The following CCNY variants were observed in gnomAD, a reference collection of about 807,000 sequenced individuals.
The protein encoded by CCNY is cyclin Y, also known as cyclin-Y.
In CCNY, 19 loss-of-function variants were observed where a neutral mutation model predicts 42.8. That is an observed-to-expected ratio of 0.44 (90% CI 0.31 to 0.65). The LOEUF is 0.65. Among genes scored for constraint, CCNY ranks in the 30% least tolerant of loss-of-function variants. The pLI is 0.07. For synonymous variants in CCNY, 165 were observed against 162.7 expected, an observed-to-expected ratio of 1.01 and a Z score of -0.11; for missense variants, 370 against 437.3, an observed-to-expected ratio of 0.85 and a Z score of 1.37.
intron 3 of CCNY, among the ~76,000 whole-genome samples, chr10:35,297,302 C>T (rs897635198): frequency 1.5e-4 from 23 of 152,078 alleles, no homozygotes; most frequent in African/African-American, 4.8e-4. Flanking sequence ...TAAAATTCAA[C>T]ATCGCTTCAT....
intron 3 of CCNY, among the ~76,000 whole-genome samples, chr10:35,329,100 A>C (rs1835911623): frequency 6.6e-6 from 1 of 152,248 alleles, no homozygotes; most frequent in Admixed American, 6.5e-5. Flanking sequence ...TAAGGAAACA[A>C]TTATTTGTGT....
chr10:35,368,228 C>A (rs921206505), intron 1 of CCNY, among the ~76,000 whole-genome samples: 1 of 152,206 alleles, frequency 6.6e-6, no homozygotes, highest in Admixed American at 6.5e-5. Context: ...GCATGACCTT[C>A]GGTGAGTCTT....
intron 1 of CCNY, among the ~76,000 whole-genome samples, chr10:35,430,662 T>C (rs1231774309): frequency 6.6e-6 from 1 of 152,150 alleles, no homozygotes; most frequent in East Asian, 1.9e-4. Flanking sequence ...TCAATGTCCA[T>C]TGGAATTGAG....
chr10:35,403,655 T>A (rs1317038498), intron 1 of CCNY, among the ~76,000 whole-genome samples: 2 of 152,194 alleles, frequency 1.3e-5, no homozygotes, highest in African/African-American at 4.8e-5. Flanking sequence ...TCAGCCCATA[T>A]AACAGCATGG....
At chr10:35,485,724 C>CAAAAAAAAAAA (rs60570748) in intron 2 of CCNY, among the ~76,000 whole-genome samples, 4 of 97,784 alleles carry the variant, frequency 4.1e-5, no homozygotes, top group African/African-American at 1.5e-4. Context: ...GACTCCGTCT[C>CAAAAAAAAAAA]AAAAAAAAAA....
At chr10:35,447,505 C>A (rs187745491) in intron 1 of CCNY, among the ~76,000 whole-genome samples, 6 of 152,292 alleles carry the variant, frequency 3.9e-5, no homozygotes, top group Admixed American at 6.5e-5. Context: ...TTATCTCTGT[C>A]ATTTCTCACA....
intron 2 of CCNY, among the ~76,000 whole-genome samples, chr10:35,500,475 A>G (rs1400125157): frequency 2.0e-5 from 3 of 152,168 alleles, no homozygotes; most frequent in Non-Finnish European, 4.4e-5. Context: ...ACAGTAGTGA[A>G]TCTTCTTTGC....
chr10:35,373,677 G>A (rs1270307972), intron 1 of CCNY, among the ~76,000 whole-genome samples: 1 of 152,140 alleles, frequency 6.6e-6, no homozygotes, highest in African/African-American at 2.4e-5. Context: ...TTAATGAATA[G>A]TAAATCTATT....
intron 3 of CCNY, among the ~76,000 whole-genome samples, chr10:35,261,369 C>G (rs1269208624): frequency 6.6e-6 from 1 of 151,620 alleles, no homozygotes; most frequent in African/African-American, 2.4e-5. Context: ...TCCCAAGAAG[C>G]TGAGATTACA....
chr10:35,531,797 G>A (rs919615935), intron 7 of CCNY, among the ~76,000 whole-genome samples: 4 of 152,120 alleles, frequency 2.6e-5, no homozygotes, highest in African/African-American at 9.7e-5. Flanking sequence ...TGCCTTCCTG[G>A]TCGGGATTAT....
rs954464046 is a variant in CCNY, at chr10:35,336,516, C to T, written c.-538C>T. On this transcript the variant is annotated 5_prime_UTR_variant, in exon 1 of 10. Transcript: ENST00000374704. Reference sequence around the variant, plus strand: ...CGAGGGAGGGCCGCCAGCATCCTCCCTGGCCGCGCCGCACCGCGCCGCGAG... The same window carrying T: ...CGAGGGAGGGCCGCCAGCATCCTCCTTGGCCGCGCCGCACCGCGCCGCGAG... 162 of 149,864 alleles carry T rather than the reference C, an allele frequency of 1.1e-3. 1 individual carries two copies. Among genetic ancestry groups the T allele is most frequent in the African/African-American group, 3.7e-3 (153 of 41,216 alleles). The allele number at this position is 149,864 out of a possible 1,614,324, so 9.3% of individuals were successfully genotyped here.
At chr10:35,440,499 G>T (rs1589123092) in intron 1 of CCNY, among the ~76,000 whole-genome samples, 2 of 152,316 alleles carry the variant, frequency 1.3e-5, no homozygotes, top group Admixed American at 1.3e-4. Flanking sequence ...AAACAGCCTG[G>T]CCTGGATCTG....
chr10:35,352,751 G>A, intron 1 of CCNY, among the ~76,000 whole-genome samples: 1 of 152,122 alleles, frequency 6.6e-6, no homozygotes, highest in Admixed American at 6.5e-5. Flanking sequence ...AGAGTCCCCT[G>A]GATGGCAGAG....
At chr10:35,381,289 A>G (rs960898511) in intron 1 of CCNY, among the ~76,000 whole-genome samples, 14 of 152,270 alleles carry the variant, frequency 9.2e-5, no homozygotes, top group African/African-American at 3.1e-4. Context: ...GCCGAGCGCC[A>G]TGGCTCATGC....
At chr10:35,517,239 C>T (rs1840448537) in intron 4 of CCNY, among the ~76,000 whole-genome samples, 1 of 152,146 alleles carries the variant, frequency 6.6e-6, no homozygotes, top group Non-Finnish European at 1.5e-5. Flanking sequence ...GGATAAACTT[C>T]TTTCCCTTAC....
intron 1 of CCNY, among the ~76,000 whole-genome samples, chr10:35,467,688 A>G (rs903386209): frequency 6.6e-6 from 1 of 152,196 alleles, no homozygotes; most frequent in African/African-American, 2.4e-5. Context: ...CCCCAATACA[A>G]TGTTGATAGT....
chr10:35,307,524 T>C (rs1205741309), intron 3 of CCNY, among the ~76,000 whole-genome samples: 1 of 152,134 alleles, frequency 6.6e-6, no homozygotes, highest in Non-Finnish European at 1.5e-5. Flanking sequence ...GTGTTTGCCA[T>C]ATGACTCTGA....
intron 8 of CCNY, among the ~76,000 whole-genome samples, chr10:35,562,761 G>A (rs1289940562): frequency 6.6e-6 from 1 of 152,106 alleles, no homozygotes; most frequent in Non-Finnish European, 1.5e-5. Flanking sequence ...AGTAAGTGGA[G>A]GCTGTAAGTG....
At chr10:35,316,379 GCT>G (rs1379764828) in intron 3 of CCNY, 2 of 152,172 alleles carry the variant, frequency 1.3e-5, no homozygotes, top group African/African-American at 4.8e-5. Context: ...ATTCCATATG[GCT>G]CTGTCTCTAC....
Sources: gnomAD v4.1 joint callset for allele counts (sites outside exome capture counted in the v4.1 genomes callset) on GRCh38, gnomAD v4.1.1 for gene constraint, MANE v1.5 for transcripts, NCBI Gene and HGNC (gene_info 2026-07-23, HGNC 2026-07-21) for gene names.